The following NRG1 variants were observed in gnomAD, a reference collection of about 807,000 sequenced individuals.
NRG1 encodes the protein neuregulin 1, also known as pro-neuregulin-1, membrane-bound isoform.
Under a neutral mutation model 63.8 loss-of-function variants are expected in NRG1, and 18 were observed. The ratio of observed to expected loss-of-function variants is 0.28; its 90% CI spans 0.19 to 0.42. The LOEUF (loss-of-function observed/expected upper bound fraction) is 0.42, where lower values mean the gene tolerates loss of function less well. Ranked by LOEUF, NRG1 falls within the 10% of genes least tolerant of loss-of-function variation. The probability of loss-of-function intolerance (pLI) is 1.00; values close to 1 mark genes in which losing one functional copy is unlikely to be tolerated. For missense variants in NRG1, 762 were observed against 814.7 expected (o/e 0.94, Z 0.79); for synonymous variants, 302 against 301.3 (o/e 1.00, Z -0.02).
At chr8:32,295,735 G>T (rs1854765480) in intron 1 of NRG1, among the ~76,000 whole-genome samples, 1 of 152,018 alleles carries the variant, frequency 6.6e-6, no homozygotes, top group Non-Finnish European at 1.5e-5. Context: ...TGGATCACGG[G>T]TCAGGAGTTA....
intron 5 of NRG1, chr8:32,647,959 T>A: frequency 6.2e-7 from 1 of 1,614,172 alleles, no homozygotes; most frequent in Non-Finnish European, 8.5e-7. Context: ...ATTGTCCCCA[T>A]CCTGGCTTGC....
intron 1 of NRG1, among the ~76,000 whole-genome samples, chr8:32,483,059 A>G (rs1468678637): frequency 6.6e-6 from 1 of 152,232 alleles, no homozygotes; most frequent in Non-Finnish European, 1.5e-5. Flanking sequence ...TACACACTCA[A>G]TTCATGTCAG....
At chr8:31,776,447 T>C (rs1819146259) in intron 1 of NRG1, among the ~76,000 whole-genome samples, 1 of 152,126 alleles carries the variant, frequency 6.6e-6, no homozygotes, top group South Asian at 2.1e-4. Context: ...TGAGCAAGTA[T>C]TAGAATATGT....
intron 1 of NRG1, among the ~76,000 whole-genome samples, chr8:32,466,257 G>A (rs1308917954): frequency 6.6e-6 from 1 of 151,848 alleles, no homozygotes; most frequent in Non-Finnish European, 1.5e-5. Flanking sequence ...AGCCCAGGAG[G>A]TCAAGGCTGC....
Position 32,206,819 on chromosome 8 carries a change from A to G in NRG1, c.38-389009A>G, listed in dbSNP as rs542004466. On this transcript the variant is annotated intron_variant, in intron 1 of 10. Transcript: ENST00000519301. ...CCACCCTTCTGAGTCTCCAGTGTCT[A>G]TAATTCCACTTTCTGTGTCCACGTG... Among the ~76,000 whole-genome samples the G allele has an allele frequency of 2.6e-5, 4 of 152,328 alleles. 1 individual carries two copies. The South Asian group carries it at 8.3e-4, about 32-fold the overall frequency.
At chr8:31,877,648 C>T (rs1428455672) in intron 1 of NRG1, among the ~76,000 whole-genome samples, 1 of 152,090 alleles carries the variant, frequency 6.6e-6, no homozygotes, top group Non-Finnish European at 1.5e-5. Flanking sequence ...TATGTTTGGT[C>T]ATACATCTAA....
intron 5 of NRG1, among the ~76,000 whole-genome samples, chr8:32,695,336 C>A (rs1485599790): frequency 6.6e-6 from 1 of 150,594 alleles, no homozygotes; most frequent in Admixed American, 6.6e-5. Flanking sequence ...GTGAGACCCT[C>A]TCTCAGAAAA....
intron 1 of NRG1, among the ~76,000 whole-genome samples, chr8:31,893,394 G>A (rs533164425): frequency 6.6e-5 from 10 of 151,474 alleles, no homozygotes. Flanking sequence ...TAGAGTGAAG[G>A]AAATCAGTTA....
intron 1 of NRG1, among the ~76,000 whole-genome samples, chr8:32,468,970 T>C (rs1314721938): frequency 2.6e-5 from 4 of 152,178 alleles, no homozygotes; most frequent in African/African-American, 9.7e-5. Flanking sequence ...GACAGAATAA[T>C]GAAGGCAGAG....
chr8:32,180,239 G>C (rs1286372764), intron 1 of NRG1, among the ~76,000 whole-genome samples: 1 of 151,976 alleles, frequency 6.6e-6, no homozygotes, highest in Non-Finnish European at 1.5e-5. Context: ...TCTACGCTTT[G>C]GCAGACTTTT....
At chr8:31,641,335 T>C (rs10954809) in intron 1 of NRG1, among the ~76,000 whole-genome samples, 1 of 124,202 alleles carries the variant, frequency 8.1e-6, no homozygotes, top group Non-Finnish European at 1.8e-5. Flanking sequence ...TTGGTGGGGG[T>C]TTTTTTTTTT....
At chr8:32,070,256 G>A (rs1263011077) in intron 1 of NRG1, among the ~76,000 whole-genome samples, 1 of 152,118 alleles carries the variant, frequency 6.6e-6, no homozygotes, top group Admixed American at 6.5e-5. Flanking sequence ...CAAGCCAAAC[G>A]GAACTGGATT....
chr8:31,826,392 C>A (rs6992723), intron 1 of NRG1, among the ~76,000 whole-genome samples: 30,398 of 152,078 alleles, frequency 0.2, 3,481 homozygotes, highest in Non-Finnish European at 0.25. Context: ...ATAAGTCTCA[C>A]AAGATCTGAT....
At chr8:31,639,370 G>A in exon 1 of NRG1, 2 of 1,534,356 alleles carry the variant, frequency 1.3e-6, no homozygotes, top group South Asian at 1.2e-5. Context: ...CCCACTCGCG[G>A]GTCCCGCTCC....
chr8:32,110,740 G>A (rs1344132706), intron 1 of NRG1, among the ~76,000 whole-genome samples: 1 of 152,222 alleles, frequency 6.6e-6, no homozygotes, highest in African/African-American at 2.4e-5. Context: ...AGACTGGATC[G>A]CCAGTCATGG....
Position 32,314,972 on chromosome 8 carries a change from C to T in NRG1, c.38-280856C>T, listed in dbSNP as rs1051654227. 1.4e-4 allele frequency among the ~76,000 whole-genome samples: 21 copies of T among 152,310 alleles called. No individual in the cohort carries two copies. The South Asian group carries it at 1.5e-3, about 11-fold the overall frequency. On this transcript the variant is annotated intron_variant, in intron 1 of 10. Coordinates refer to the NRG1 transcript ENST00000519301. ...AATTCTGACTGTTCTGGTTTCACCG[C>T]GGATGTCACCTCCTCCAAGAAGCTC...
intron 1 of NRG1, among the ~76,000 whole-genome samples, chr8:32,170,653 G>A (rs1839929841): frequency 6.6e-6 from 1 of 152,148 alleles, no homozygotes; most frequent in South Asian, 2.1e-4. Flanking sequence ...CATGTAGCAT[G>A]AAATGCAATT....
intron 1 of NRG1, among the ~76,000 whole-genome samples, chr8:32,055,019 C>G (rs1443914696): frequency 6.6e-6 from 1 of 151,506 alleles, no homozygotes; most frequent in African/African-American, 2.4e-5. Flanking sequence ...TCCCGAGTTG[C>G]TGGGTCTACA....
chr8:31,859,940 T>TC lies in NRG1; in HGVS notation c.37+220512dup, dbSNP rs1021209902. ...GAAAATAAGCCTGCTTAGTTTTTTT[T>TC]CCCAGCTCAGTGCTTAGAAACAACC... On this transcript the variant is annotated intron_variant, in intron 1 of 10. Coordinates refer to the NRG1 transcript ENST00000519301. Among the ~76,000 whole-genome samples the TC allele has an allele frequency of 5.3e-5, 8 of 152,304 alleles. No homozygotes were observed. In the East Asian group the frequency reaches 1.3e-3, roughly 26 times the overall value.
Sources: allele counts gnomAD v4.1 joint callset (sites outside exome capture counted in the v4.1 genomes callset), GRCh38; gene constraint gnomAD v4.1.1; transcripts MANE v1.5; gene names NCBI Gene and HGNC (gene_info 2026-07-23, HGNC 2026-07-21).